Variants in DLGAP2 observed in about 807,000 individuals in gnomAD.
DLGAP2 encodes disks large-associated protein 2.
A neutral mutation model predicts 100.3 loss-of-function variants in DLGAP2; 26 were observed. That is an observed-to-expected ratio of 0.26 (90% CI 0.19 to 0.36). The LOEUF (loss-of-function observed/expected upper bound fraction) is 0.36, where lower values mean the gene tolerates loss of function less well. Among genes scored for constraint, DLGAP2 ranks in the 10% least tolerant of loss-of-function variants. The pLI is 1.00. For synonymous variants in DLGAP2, 886 were observed against 630.1 expected, an observed-to-expected ratio of 1.41 and a Z score of -6.08; for missense variants, 1,858 against 1,453.2, an observed-to-expected ratio of 1.28 and a Z score of -4.53.
intron 1 of DLGAP2, 55 bp from the exon 2 acceptor site, chr8:907,857 G>T: frequency 2.5e-6 from 1 of 398,504 alleles, no homozygotes; most frequent in Non-Finnish European, 4.4e-6. Context: ...TTAATGAGAT[G>T]CCTTCCTCCA....
intron 7 of DLGAP2, among the ~76,000 whole-genome samples, chr8:1,631,311 C>G (rs1302796747): frequency 6.6e-6 from 1 of 152,094 alleles, no homozygotes; most frequent in Non-Finnish European, 1.5e-5. Context: ...CTGGGTCGGG[C>G]TTACAGAAGG....
intron 3 of DLGAP2, among the ~76,000 whole-genome samples, chr8:1,384,078 A>G (rs1033080559): frequency 2.6e-5 from 4 of 152,014 alleles, no homozygotes; most frequent in East Asian, 1.9e-4. Flanking sequence ...AACAGTATAC[A>G]CTTATTTAGG....
chr8:1,493,405 C>T (rs995757447), intron 3 of DLGAP2, among the ~76,000 whole-genome samples: 2 of 152,022 alleles, frequency 1.3e-5, no homozygotes, highest in Non-Finnish European at 2.9e-5. Context: ...GTGGACCGAG[C>T]GCATAGACCG....
intron 3 of DLGAP2, among the ~76,000 whole-genome samples, chr8:1,497,080 C>T (rs958929201): frequency 1.3e-5 from 2 of 152,210 alleles, no homozygotes; most frequent in Admixed American, 6.5e-5. Flanking sequence ...AAAGTACGTT[C>T]TGCCAGAGGG....
At chr8:844,301 A>T (rs1483736394) in intron 1 of DLGAP2, among the ~76,000 whole-genome samples, 1 of 152,198 alleles carries the variant, frequency 6.6e-6, no homozygotes. Flanking sequence ...ACTGTAACAT[A>T]CCTGCAAAAA....
intron 1 of DLGAP2, chr8:739,622 C>T (rs1001238966): frequency 6.6e-6 from 1 of 152,288 alleles, no homozygotes; most frequent in Middle Eastern, 3.4e-3. Context: ...CTTGGCAGGT[C>T]AAGTTGTTAC....
chr8:1,255,737 AGCACTGTATGTGTGTCCTC>A (rs1799189564), intron 2 of DLGAP2, among the ~76,000 whole-genome samples: 7 of 97,364 alleles, frequency 7.2e-5, no homozygotes, highest in Non-Finnish European at 1.4e-4. Flanking sequence ...CTCCTGCCCG[AGCACTGTATGTGTGTCCTC>A]TCCTGCCTGG....
intron 2 of DLGAP2, among the ~76,000 whole-genome samples, chr8:1,226,199 C>T (rs1381702385): frequency 6.6e-6 from 1 of 152,006 alleles, no homozygotes; most frequent in Admixed American, 6.6e-5. Flanking sequence ...AAGCACTGTT[C>T]ACAAGAGCAA....
At chr8:1,533,841 C>T (rs746055790) in intron 4 of DLGAP2, among the ~76,000 whole-genome samples, 2 of 152,136 alleles carry the variant, frequency 1.3e-5, no homozygotes, top group African/African-American at 2.4e-5. Flanking sequence ...CCTGTTGTCC[C>T]AGCTCCTCAG....
At chr8:1,462,135 A>G (rs1798478576) in intron 3 of DLGAP2, among the ~76,000 whole-genome samples, 1 of 40,492 alleles carries the variant, frequency 2.5e-5, no homozygotes. Context: ...AGGAGGAGGG[A>G]GAAGGGTGGC....
chr8:1,608,615 C>A (rs1442811244), intron 6 of DLGAP2, among the ~76,000 whole-genome samples: 1 of 133,076 alleles, frequency 7.5e-6, no homozygotes, highest in Non-Finnish European at 1.6e-5. Context: ...ACATTCAAAC[C>A]AAAGGCAAAG....
chr8:960,028 T>C (rs572299103), intron 2 of DLGAP2, among the ~76,000 whole-genome samples: 19 of 152,070 alleles, frequency 1.2e-4, no homozygotes, highest in Admixed American at 2.6e-4. Context: ...ATCCTCTCTG[T>C]TAGAAAGTAA....
intron 2 of DLGAP2, among the ~76,000 whole-genome samples, chr8:1,202,869 T>C (rs540218326): frequency 6.6e-5 from 10 of 152,336 alleles, no homozygotes; most frequent in African/African-American, 1.9e-4. Context: ...GAGCTGTTAA[T>C]CAGCCGCTGC....
At chr8:902,361 TG>T (rs1170775687) in intron 1 of DLGAP2, among the ~76,000 whole-genome samples, 4 of 138,320 alleles carry the variant, frequency 2.9e-5, no homozygotes, top group Non-Finnish European at 4.7e-5. Context: ...GCGCGGGGGC[TG>T]GGGGGGCACT....
chr8:1,094,452 G>A, intron 2 of DLGAP2, among the ~76,000 whole-genome samples: 1 of 152,140 alleles, frequency 6.6e-6, no homozygotes, highest in Non-Finnish European at 1.5e-5. Flanking sequence ...ATAATTAATT[G>A]TGTTTTTCTG....
chr8:1,191,706 T>C (rs1797643716), intron 2 of DLGAP2, among the ~76,000 whole-genome samples: 1 of 152,230 alleles, frequency 6.6e-6, no homozygotes, highest in South Asian at 2.1e-4. Context: ...TGCAACTAAC[T>C]CTTTAATTTC....
At chr8:1,306,345 C>G (rs926240605) in intron 3 of DLGAP2, among the ~76,000 whole-genome samples, 1 of 151,766 alleles carries the variant, frequency 6.6e-6, no homozygotes. Flanking sequence ...ATAATCGTGT[C>G]AAAAAAACCC....
rs967998585 is a variant in DLGAP2 at position 1,084,812 on chromosome 8, A to G, written c.74-174039A>G. 4.6e-5 allele frequency among the ~76,000 whole-genome samples: 7 copies of G among 152,192 alleles called. No homozygotes were observed. In the East Asian group the frequency reaches 1.3e-3, roughly 29 times the overall value. On this transcript the variant is annotated intron_variant, in intron 2 of 14. Transcript: ENST00000637795. Reference sequence around the variant, plus strand: ...CACAGGTTGATTCCATGTCTTGGACATTGTGAATGGAGCTTCAGTGACCAT... The same window carrying G: ...CACAGGTTGATTCCATGTCTTGGACGTTGTGAATGGAGCTTCAGTGACCAT...
chr8:1,464,892 C>G (rs189359473), intron 3 of DLGAP2, among the ~76,000 whole-genome samples: 4 of 150,742 alleles, frequency 2.7e-5, no homozygotes, highest in East Asian at 2.0e-4. Flanking sequence ...TCACTCTTCA[C>G]AAAAAAAAAG....
Sources: gnomAD v4.1 joint callset for allele counts (sites outside exome capture counted in the v4.1 genomes callset) on GRCh38, gnomAD v4.1.1 for gene constraint, MANE v1.5 for transcripts, NCBI Gene and HGNC (gene_info 2026-07-23, HGNC 2026-07-21) for gene names.